Variants in RIGI observed in about 807,000 individuals in gnomAD.
RIGI encodes the protein antiviral innate immune response receptor RIG-I.
At chr9:32,461,343 A>G in the RIGI span, among the ~76,000 whole-genome samples, 1 of 152,244 alleles carries the variant, frequency 6.6e-6, no homozygotes, top group Non-Finnish European at 1.5e-5. Context: ...GGAACCCTGA[A>G]GCCTCATGAA....
the RIGI span, among the ~76,000 whole-genome samples, chr9:32,460,279 T>C: frequency 2.0e-5 from 3 of 152,222 alleles, no homozygotes; most frequent in Non-Finnish European, 4.4e-5. Context: ...GTCAGTGGCA[T>C]GAAAACAGAC....
chr9:32,517,719 T>C, the RIGI span, among the ~76,000 whole-genome samples: 5 of 152,228 alleles, frequency 3.3e-5, no homozygotes, highest in Non-Finnish European at 7.3e-5. Context: ...GTTAGTTTAA[T>C]GAAAACAGCT....
the RIGI span, chr9:32,473,097 C>A: frequency 6.9e-7 from 1 of 1,457,024 alleles, no homozygotes; most frequent in South Asian, 1.2e-5. Context: ...CAATTGGACA[C>A]TCCTTATAAA....
At chr9:32,488,933 G>C in the RIGI span, 2 of 1,504,520 alleles carry the variant, frequency 1.3e-6, no homozygotes, top group East Asian at 2.3e-5. Flanking sequence ...TCATATATTA[G>C]ATATTTCTCT....
the RIGI span, chr9:32,467,922 G>T: frequency 6.3e-7 from 1 of 1,592,812 alleles, no homozygotes. Flanking sequence ...TCTGTGCCGG[G>T]AGGGTCATTC....
the RIGI span, chr9:32,467,964 C>T: frequency 6.6e-7 from 1 of 1,525,688 alleles, no homozygotes; most frequent in Non-Finnish European, 8.8e-7. Flanking sequence ...TTATACAACT[C>T]ACCAAAGAGG....
At chr9:32,469,129 A>G in the RIGI span, among the ~76,000 whole-genome samples, 2 of 152,096 alleles carry the variant, frequency 1.3e-5, no homozygotes, top group Admixed American at 6.6e-5. Flanking sequence ...GGTCCCTACA[A>G]TAAGTGGAAG....
At chr9:32,497,135 T>C in the RIGI span, among the ~76,000 whole-genome samples, 3 of 152,230 alleles carry the variant, frequency 2.0e-5, no homozygotes, top group East Asian at 5.8e-4. Flanking sequence ...CAGTTCGCTT[T>C]TGGTAGTATA....
At chr9:32,526,119 G>A in the RIGI span, 1 of 1,613,938 alleles carries the variant, frequency 6.2e-7, no homozygotes, top group Non-Finnish European at 8.5e-7. Flanking sequence ...GGGTCTTCCG[G>A]ATATAATCCT....
chr9:32,525,314 C>A, the RIGI span, among the ~76,000 whole-genome samples: 1 of 152,190 alleles, frequency 6.6e-6, no homozygotes, highest in African/African-American at 2.4e-5. Flanking sequence ...CATAGTGGCA[C>A]CCCGAACAGC....
the RIGI span, among the ~76,000 whole-genome samples, chr9:32,482,476 A>C: frequency 1.1e-4 from 16 of 152,170 alleles, no homozygotes; most frequent in Admixed American, 9.2e-4. Context: ...CCAGAAATAA[A>C]ACAGTAGACA....
At chr9:32,488,311 AAAG>A in the RIGI span, 11,661 of 1,217,134 alleles carry the variant, frequency 9.6e-3, 370 homozygotes, top group African/African-American at 0.084. Context: ...CCTGAGTCCA[AAAG>A]AAGAATAGCT....
the RIGI span, among the ~76,000 whole-genome samples, chr9:32,505,779 A>C: frequency 6.6e-6 from 1 of 152,240 alleles, no homozygotes; most frequent in Non-Finnish European, 1.5e-5. Flanking sequence ...TATGTCACAT[A>C]AATGTAGTAT....
the RIGI span, chr9:32,477,123 G>A: frequency 6.2e-7 from 1 of 1,612,836 alleles, no homozygotes; most frequent in Non-Finnish European, 8.5e-7. Context: ...TCTAGTTCCT[G>A]CAGCTTTTCT....
the RIGI span, among the ~76,000 whole-genome samples, chr9:32,467,475 GGTTTACAT>G: frequency 6.6e-6 from 1 of 152,170 alleles, no homozygotes; most frequent in Non-Finnish European, 1.5e-5. Flanking sequence ...CACCATGAAA[GGTTTACAT>G]GTTGACTGGC....
chr9:32,464,200 C>T, the RIGI span, among the ~76,000 whole-genome samples: 3 of 151,782 alleles, frequency 2.0e-5, no homozygotes, highest in Non-Finnish European at 2.9e-5. Flanking sequence ...GAGCTCCAAG[C>T]TTTTGCCCTC....
the RIGI span, among the ~76,000 whole-genome samples, chr9:32,484,104 A>G: frequency 6.6e-6 from 1 of 152,198 alleles, no homozygotes; most frequent in African/African-American, 2.4e-5. Context: ...GTAGTAGAAT[A>G]TAACATTGGA....
the RIGI span, among the ~76,000 whole-genome samples, chr9:32,479,465 T>G: frequency 1.3e-5 from 2 of 152,170 alleles, no homozygotes; most frequent in Non-Finnish European, 1.5e-5. Context: ...GAAAACTTTT[T>G]TTTGTTTGTT....
At chr9:32,522,014 T>A in the RIGI span, among the ~76,000 whole-genome samples, 1 of 152,184 alleles carries the variant, frequency 6.6e-6, no homozygotes, top group African/African-American at 2.4e-5. Context: ...GAATGCAGAT[T>A]TCTGATAACT....
Sources: allele counts gnomAD v4.1 joint callset (sites outside exome capture counted in the v4.1 genomes callset), GRCh38; gene constraint gnomAD v4.1.1; transcripts MANE v1.5; gene names NCBI Gene and HGNC (gene_info 2026-07-23, HGNC 2026-07-21).